The following FAAP20 variants were observed in gnomAD, a reference collection of about 807,000 sequenced individuals.
FAAP20 encodes FA core complex associated protein 20, also known as Fanconi anemia core complex-associated protein 20.
Under a neutral mutation model 16.2 loss-of-function variants are expected in FAAP20, and 12 were observed. The observed-to-expected ratio is 0.74, with a 90% confidence interval of 0.48 to 1.20. FAAP20 has a LOEUF of 1.20. Ranked by LOEUF, FAAP20 falls within the 50% of genes most tolerant of loss-of-function variation. FAAP20 has a pLI of 0.00. For missense variants in FAAP20, 288 were observed against 245.8 expected (o/e 1.17, Z -1.15); for synonymous variants, 141 against 110.7 (o/e 1.27, Z -1.72).
At chr1:2,192,105 C>T in intron 3 of FAAP20, 3 of 985,588 alleles carry the variant, frequency 3.0e-6, no homozygotes, top group Non-Finnish European at 2.4e-6. Flanking sequence ...CGGTTCAAGA[C>T]CAAGTCCGGC....
upstream of FAAP20, chr1:2,199,663 C>T (rs2100729402): frequency 3.1e-6 from 3 of 981,590 alleles, no homozygotes; most frequent in Non-Finnish European, 2.4e-6. This position sits in a 1 kb window ranked among gnomAD's most constrained non-coding sequence, Gnocchi z 4.5. Flanking sequence ...CTCATGTCCA[C>T]CAGTACCTGA....
downstream of FAAP20, among the ~76,000 whole-genome samples, chr1:2,209,883 AG>A (rs1689389503): frequency 6.6e-6 from 1 of 152,146 alleles, no homozygotes; most frequent in Admixed American, 6.5e-5. Context: ...GAGGCGCTTC[AG>A]TGGACGCACA....
Position 2,189,656 on chromosome 1 carries a change from C to A in FAAP20, c.*53G>T, listed in dbSNP as rs893675547. ...GGGAGCCGAGAGGCGGGGCTGCTGG[C>A]GGGGGAGAGCGTGTCCGGGCGCCGC... On this transcript the variant is annotated 3_prime_UTR_variant, in exon 4 of 4. Coordinates refer to ENST00000378546, the MANE Select transcript of FAAP20 (RefSeq NM_182533.4). 11 of 1,473,076 alleles carry A rather than the reference C, an allele frequency of 7.5e-6. No homozygotes were observed. The highest frequency in any genetic ancestry group is 1.5e-5 in the African/African-American group (1 of 66,972). The allele number at this position is 1,473,076 out of a possible 1,614,324, so 91.3% of individuals were successfully genotyped here.
At chr1:2,200,590 A>C, upstream of FAAP20, 1 of 975,646 alleles carries the variant, frequency 1.0e-6, no homozygotes, top group Non-Finnish European at 1.2e-6. Context: ...AGCTGCCTGA[A>C]CTGTGAGAAT....
At chr1:2,196,540 C>CAA (rs1203182062), upstream of FAAP20, among the ~76,000 whole-genome samples, 16 of 128,116 alleles carry the variant, frequency 1.2e-4, no homozygotes, top group Middle Eastern at 4.1e-3. This position sits in a 1 kb window ranked among gnomAD's most constrained non-coding sequence, Gnocchi z 4.5. Flanking sequence ...GACCCCAACT[C>CAA]AAAAAAAAAA....
chr1:2,186,199 C>G (rs1016183992), downstream of FAAP20: 1 of 369,220 alleles, frequency 2.7e-6, no homozygotes, highest in Non-Finnish European at 5.7e-6. Flanking sequence ...GCGCAGAGAC[C>G]CCAGGCCTCC....
At chr1:2,188,918 T>C (rs1442820987), downstream of FAAP20, among the ~76,000 whole-genome samples, 40 of 140,998 alleles carry the variant, frequency 2.8e-4, no homozygotes, top group Admixed American at 6.7e-4. Flanking sequence ...GGCAGGAGAA[T>C]GGCGTGAACC....
At chr1:2,187,980 C>G (rs1175390097), downstream of FAAP20, among the ~76,000 whole-genome samples, 6 of 152,210 alleles carry the variant, frequency 3.9e-5, no homozygotes, top group African/African-American at 7.2e-5. Context: ...TTCCAGAACC[C>G]CCTAGGGTTG....
At chr1:2,184,644 A>G (rs756365403), downstream of FAAP20, 12 of 1,614,058 alleles carry the variant, frequency 7.4e-6, no homozygotes, top group African/African-American at 1.3e-5. Context: ...TACGGTCTGG[A>G]CAACTTTGAC....
intron 3 of FAAP20, chr1:2,190,273 G>A (rs1351831244): frequency 2.2e-6 from 1 of 456,762 alleles, no homozygotes; most frequent in Non-Finnish European, 4.4e-6. Flanking sequence ...GCCTCACCAC[G>A]GAGAAGGACG....
upstream of FAAP20, among the ~76,000 whole-genome samples, chr1:2,204,610 G>A (rs555130716): frequency 2.0e-5 from 3 of 151,594 alleles, no homozygotes; most frequent in East Asian, 5.9e-4. Context: ...GCCCCCGGGA[G>A]CCGGAGAACC....
At chr1:2,195,956 C>T (rs1430741608), upstream of FAAP20, among the ~76,000 whole-genome samples, 1 of 152,138 alleles carries the variant, frequency 6.6e-6, no homozygotes, top group Non-Finnish European at 1.5e-5. Context: ...TGAGTGCTGC[C>T]CGGGCAGGGG....
chr1:2,198,513 T>A (rs58885719), upstream of FAAP20: 6,901 of 489,452 alleles, frequency 0.014, 385 homozygotes, highest in African/African-American at 0.12. Flanking sequence ...ATCCTCAGAG[T>A]CACCCAAATG....
At position 2,189,614 on chromosome 1, in the gene FAAP20, G is replaced by A. The variant is rs374811395; in HGVS notation, c.*95C>T. The A allele has an allele frequency of 6.5e-6, 6 of 928,948 alleles. No homozygotes were observed. Among genetic ancestry groups the A allele is most frequent in the East Asian group, 5.8e-5 (2 of 34,248 alleles). 57.5% of individuals were successfully genotyped at this position (928,948 alleles called of 1,614,324 possible). A position where few individuals can be genotyped will look rare whatever the true frequency, so the allele number is the denominator to read the frequency against. ...TAATGCGCATGCGGGGGAGCCGAGA[G>A]GCGGGGCTGCTGGCGGGGGAGCCGA... On this transcript the variant is annotated 3_prime_UTR_variant, in exon 4 of 4. Coordinates refer to ENST00000378546, the MANE Select transcript of FAAP20 (RefSeq NM_182533.4).
intron 3 of FAAP20, 62 bp from the exon 4 acceptor site, chr1:2,189,843 C>G (rs1037472320): frequency 7.7e-7 from 1 of 1,300,514 alleles, no homozygotes; most frequent in Non-Finnish European, 1.1e-6. Context: ...CAGAGAGCAC[C>G]GTCTGGACCT....
chr1:2,187,930 T>C (rs1687765437), downstream of FAAP20, among the ~76,000 whole-genome samples: 1 of 152,222 alleles, frequency 6.6e-6, no homozygotes, highest in Non-Finnish European at 1.5e-5. Flanking sequence ...TCCTAGCCCC[T>C]GCACTCTCTT....
intron 3 of FAAP20, among the ~76,000 whole-genome samples, chr1:2,205,629 G>A (rs947553987): frequency 6.6e-6 from 1 of 152,182 alleles, no homozygotes; most frequent in East Asian, 1.9e-4. Context: ...AGCCTGCTTC[G>A]TTTCAAGGTG....
chr1:2,201,599 A>G (rs1300426781), upstream of FAAP20, among the ~76,000 whole-genome samples: 2 of 152,178 alleles, frequency 1.3e-5, 1 homozygote, highest in Non-Finnish European at 2.9e-5. Flanking sequence ...CCGTGCGCCC[A>G]TAGTCCCAGT....
At chr1:2,192,875 C>T (rs1478107464) in intron 3 of FAAP20, 2 of 1,296,332 alleles carry the variant, frequency 1.5e-6, no homozygotes, top group Non-Finnish European at 1.0e-6. Flanking sequence ...GCTGGGATTA[C>T]AGGCGTGAGC....
Sources: gnomAD v4.1 joint callset for allele counts (sites outside exome capture counted in the v4.1 genomes callset) on GRCh38, gnomAD v4.1.1 for gene constraint, Gnocchi (gnomAD v3.1) non-coding constraint, MANE v1.5 for transcripts, NCBI Gene and HGNC (gene_info 2026-07-23, HGNC 2026-07-21) for gene names.